The following ANK2 variants were observed in gnomAD, a reference collection of about 807,000 sequenced individuals.
ANK2 encodes ankyrin-2.
A neutral mutation model predicts 360.5 loss-of-function variants in ANK2; 83 were observed. That is an observed-to-expected ratio of 0.23 (90% CI 0.19 to 0.28). The LOEUF is 0.28. Ranked by LOEUF, ANK2 falls within the 10% of genes least tolerant of loss-of-function variation. ANK2 has a pLI of 1.00. For missense variants in ANK2, 4,201 were observed against 4,795.7 expected, an observed-to-expected ratio of 0.88 and a Z score of 3.66; for synonymous variants, 1,740 against 1,759.5, an observed-to-expected ratio of 0.99 and a Z score of 0.28.
At chr4:112,774,967 C>CT in the ANK2 span, among the ~76,000 whole-genome samples, 1 of 152,150 alleles carries the variant, frequency 6.6e-6, no homozygotes, top group Non-Finnish European at 1.5e-5. Flanking sequence ...TTTTTAAAGA[C>CT]TCAACTGAAA....
intron 1 of ANK2, among the ~76,000 whole-genome samples, chr4:112,824,363 A>G (rs1023892000): frequency 4.0e-5 from 6 of 151,882 alleles, no homozygotes; most frequent in Non-Finnish European, 5.9e-5. Context: ...TGACCAGTTA[A>G]TTTTTTAAGT....
In ANK2 at chr4:113,272,694, A is replaced by G. The variant is rs115738942; in HGVS notation, c.1486-1758A>G. ...AGGATCAATAGTTAATAACTAACCA[A>G]TTATGTAGCTACCTCTAGTCAATGA... On this transcript the variant is annotated intron_variant, in intron 14 of 45. Transcript: ENST00000357077. Among the ~76,000 whole-genome samples, 696 of 152,296 alleles carry G rather than the reference A, an allele frequency of 4.6e-3. 2 individuals carry two copies. The highest frequency in any genetic ancestry group is 0.016 in the African/African-American group (667 of 41,552).
intron 14 of ANK2, among the ~76,000 whole-genome samples, chr4:113,272,909 G>C (rs926866737): frequency 5.3e-5 from 8 of 151,994 alleles, no homozygotes; most frequent in Non-Finnish European, 1.2e-4. Context: ...AAGTTCCTTG[G>C]TTTTTAAATT....
intron 1 of ANK2, among the ~76,000 whole-genome samples, chr4:113,109,072 T>C (rs745822148): frequency 6.6e-6 from 1 of 152,146 alleles, no homozygotes; most frequent in East Asian, 1.9e-4. Context: ...CTAACATTTA[T>C]AATCATCTGT....
chr4:113,254,201 T>C (rs1363515378), intron 10 of ANK2, among the ~76,000 whole-genome samples: 1 of 152,174 alleles, frequency 6.6e-6, no homozygotes, highest in Non-Finnish European at 1.5e-5. Flanking sequence ...CTCCTTTCCA[T>C]TGATGGCCAT....
chr4:113,081,402 A>G (rs1193864012), intron 1 of ANK2, among the ~76,000 whole-genome samples: 18 of 152,180 alleles, frequency 1.2e-4, no homozygotes. Flanking sequence ...TTTTCTTCCA[A>G]TTAATACAGC....
intron 41 of ANK2, among the ~76,000 whole-genome samples, chr4:113,366,764 A>G (rs1304749724): frequency 6.6e-6 from 1 of 151,908 alleles, no homozygotes; most frequent in Non-Finnish European, 1.5e-5. Context: ...TTTATCCTCT[A>G]CCTTTATCCT....
intron 2 of ANK2, among the ~76,000 whole-genome samples, chr4:113,044,163 A>G (rs1273049066): frequency 1.3e-5 from 2 of 152,200 alleles, no homozygotes; most frequent in Non-Finnish European, 2.9e-5. Flanking sequence ...AGCTGTTTTC[A>G]TAAACAACAC....
At chr4:113,147,952 C>T (rs759514217) in intron 1 of ANK2, among the ~76,000 whole-genome samples, 9 of 152,174 alleles carry the variant, frequency 5.9e-5, no homozygotes, top group Non-Finnish European at 1.0e-4. Flanking sequence ...AAAACTGCGT[C>T]ATCTCATTAT....
chr4:112,747,004 G>A, the ANK2 span, among the ~76,000 whole-genome samples: 3,050 of 152,194 alleles, frequency 0.02, 109 homozygotes, highest in African/African-American at 0.07. Flanking sequence ...CAGGAATTAA[G>A]CACAGTTAAC....
chr4:113,348,373 A>C, intron 36 of ANK2, 65 bp downstream of exon 36: 1 of 1,541,902 alleles, frequency 6.5e-7, no homozygotes, highest in Non-Finnish European at 9.0e-7. Context: ...ATAAGAGCAC[A>C]TAGTTAACCT....
chr4:112,995,897 T>G (rs1344165486), intron 2 of ANK2, among the ~76,000 whole-genome samples: 1 of 152,176 alleles, frequency 6.6e-6, no homozygotes, highest in Non-Finnish European at 1.5e-5. Flanking sequence ...CTGGTGGGAA[T>G]GTAAATGGTA....
chr4:113,130,030 A>G (rs1214409539), intron 1 of ANK2, among the ~76,000 whole-genome samples: 2 of 152,226 alleles, frequency 1.3e-5, no homozygotes, highest in African/African-American at 4.8e-5. Flanking sequence ...CAACTAAGAC[A>G]TGCCATAAAT....
At chr4:112,888,005 CAG>C (rs906193634) in intron 1 of ANK2, among the ~76,000 whole-genome samples, 5 of 152,150 alleles carry the variant, frequency 3.3e-5, no homozygotes, top group African/African-American at 9.6e-5. Flanking sequence ...GAAAAGCCTG[CAG>C]AGTTTTAAAA....
At chr4:113,287,309 T>A (rs1302974929) in intron 18 of ANK2, among the ~76,000 whole-genome samples, 2 of 152,230 alleles carry the variant, frequency 1.3e-5, no homozygotes, top group Non-Finnish European at 2.9e-5. Flanking sequence ...ATACATGCCA[T>A]TTGAAAGCTT....
chr4:113,352,976 C>A (rs2095512906), intron 37 of ANK2, 69 bp from the exon 38 acceptor site: 13 of 1,559,018 alleles, frequency 8.3e-6, no homozygotes, highest in Non-Finnish European at 1.1e-5. Flanking sequence ...TCGTTTCAGT[C>A]CTGATTACAT....
intron 2 of ANK2, among the ~76,000 whole-genome samples, chr4:112,933,651 C>T (rs899132111): frequency 3.9e-5 from 6 of 152,042 alleles, no homozygotes; most frequent in Non-Finnish European, 8.8e-5. Context: ...CAGGCATGCT[C>T]CACCAAGCCC....
chr4:112,916,390 A>G (rs2089845062), intron 2 of ANK2, among the ~76,000 whole-genome samples: 1 of 152,254 alleles, frequency 6.6e-6, no homozygotes, highest in South Asian at 2.1e-4. Flanking sequence ...ATGTGGGGTT[A>G]TTAATCAAAA....
intron 29 of ANK2, among the ~76,000 whole-genome samples, chr4:113,335,431 G>A (rs1461384861): frequency 6.6e-6 from 1 of 152,126 alleles, no homozygotes; most frequent in Non-Finnish European, 1.5e-5. Context: ...TTGGATTTGA[G>A]CTAACTTTGA....
Sources: gnomAD v4.1 joint callset for allele counts (sites outside exome capture counted in the v4.1 genomes callset) on GRCh38, gnomAD v4.1.1 for gene constraint, MANE v1.5 for transcripts, NCBI Gene and HGNC (gene_info 2026-07-23, HGNC 2026-07-21) for gene names.